The following MTA3 variants were observed in gnomAD, a reference collection of about 807,000 sequenced individuals.
MTA3 encodes the protein metastasis-associated protein MTA3.
In MTA3, 34 loss-of-function variants were observed where a neutral mutation model predicts 83.5. The ratio of observed to expected loss-of-function variants is 0.41; its 90% CI spans 0.31 to 0.54. MTA3 has a LOEUF of 0.54. MTA3 is among the 20% of genes least tolerant of loss of function. The pLI, the probability that MTA3 is intolerant of heterozygous loss-of-function variation, is 0.33. For missense variants in MTA3, 761 were observed against 726.4 expected (o/e 1.05, Z -0.55); for synonymous variants, 303 against 252.7 (o/e 1.20, Z -1.89).
chr2:42,750,734 T>G (rs1003866673), intron 16 of MTA3, among the ~76,000 whole-genome samples: 5 of 152,194 alleles, frequency 3.3e-5, no homozygotes, highest in Admixed American at 3.3e-4. Context: ...CTGTTATAAT[T>G]GTAGCCTTGT....
chr2:42,734,470 C>CTTT (rs3040123), intron 16 of MTA3, among the ~76,000 whole-genome samples: 7 of 82,462 alleles, frequency 8.5e-5, no homozygotes, highest in Admixed American at 2.8e-4. Flanking sequence ...ATCACGGGGC[C>CTTT]TTTTTTTTTT....
intron 2 of MTA3, among the ~76,000 whole-genome samples, chr2:42,531,445 C>CTTTTTTTTTTTTTTTTT (rs10659582): frequency 1.3e-5 from 1 of 75,344 alleles, no homozygotes; most frequent in Non-Finnish European, 2.3e-5. Context: ...GAAGCAAACT[C>CTTTTTTTTTTTTTTTTT]TTTTTTTTTT....
intron 2 of MTA3, among the ~76,000 whole-genome samples, chr2:42,509,770 C>CA (rs1004860330): frequency 2.7e-5 from 4 of 150,476 alleles, no homozygotes; most frequent in South Asian, 4.2e-4. Flanking sequence ...GACCCTGTCG[C>CA]AAAAAACAAA....
At chr2:42,707,250 T>A (rs2104504053) in intron 12 of MTA3, among the ~76,000 whole-genome samples, 1 of 152,092 alleles carries the variant, frequency 6.6e-6, no homozygotes, top group Non-Finnish European at 1.5e-5. Flanking sequence ...AGATTTTTTT[T>A]TTTTTTCTTT....
intron 16 of MTA3, among the ~76,000 whole-genome samples, chr2:42,723,913 T>C (rs1172197565): frequency 6.6e-6 from 1 of 152,218 alleles, no homozygotes; most frequent in Non-Finnish European, 1.5e-5. Context: ...TTATGACTTT[T>C]GATGTTCATA....
At chr2:42,673,461 A>T (rs1691028126) in intron 8 of MTA3, among the ~76,000 whole-genome samples, 1 of 152,108 alleles carries the variant, frequency 6.6e-6, no homozygotes, top group Non-Finnish European at 1.5e-5. Context: ...ACCTATGATG[A>T]GTTTTTTGGG....
intron 14 of MTA3, 194 bp downstream of exon 14, chr2:42,709,290 T>A (rs975671357): frequency 3.3e-6 from 4 of 1,206,480 alleles, no homozygotes; most frequent in Non-Finnish European, 4.4e-6. Context: ...AAAAAAAAAA[T>A]CAAAACATTG....
At chr2:42,572,883 A>G (rs1225931489) in intron 2 of MTA3, among the ~76,000 whole-genome samples, 1 of 152,024 alleles carries the variant, frequency 6.6e-6, no homozygotes, top group African/African-American at 2.4e-5. Context: ...ATGCGCCACC[A>G]TGCCTGGCTG....
chr2:42,550,401 C>T (rs1217553446), intron 2 of MTA3, among the ~76,000 whole-genome samples: 1 of 152,066 alleles, frequency 6.6e-6, no homozygotes. Context: ...AAAGCATCTC[C>T]GAAGATAAGG....
chr2:42,566,370 G>T (rs561762947), upstream of MTA3, among the ~76,000 whole-genome samples: 2 of 152,266 alleles, frequency 1.3e-5, no homozygotes, highest in African/African-American at 4.8e-5. Flanking sequence ...CTGATTCTTT[G>T]AGTCCACGAT....
chr2:42,754,602 G>A lies in MTA3; in HGVS notation c.*1203G>A. ...CGATGAGCTCCCTGAGCAGATGTGA[G>A]GCTGGCAACTCCCCTGCCCTCTGTT... On this transcript the variant is annotated 3_prime_UTR_variant, in exon 17 of 17. Coordinates refer to ENST00000405094, the MANE Select transcript of MTA3 (RefSeq NM_001330442.2). 1 of 985,500 alleles carries A rather than the reference G, an allele frequency of 1.0e-6. No individual in the cohort carries two copies. The allele number at this position is 985,500 out of a possible 1,614,324, so 61.0% of individuals were successfully genotyped here. A position where few individuals can be genotyped will look rare whatever the true frequency, so the allele number is the denominator to read the frequency against.
In MTA3 at chr2:42,551,186, T is replaced by TTTG. The variant is rs1558430425; in HGVS notation, c.-140-19249_-140-19248insGTT. Among the ~76,000 whole-genome samples, 130 of 151,896 alleles carry TTTG rather than the reference T, an allele frequency of 8.6e-4. 2 individuals are homozygous for TTTG. Among genetic ancestry groups the TTTG allele is most frequent in the African/African-American group, 2.9e-3 (121 of 41,474 alleles). ...TGATCAGTGAATATTTCTTTTTTTT[T>TTTG]TTTGTTTGTTTGTTTGTTTTTTGAG... is the stretch of plus-strand genomic sequence containing the variant. On this transcript the variant is annotated intron_variant, in intron 2 of 17. Transcript: ENST00000405592.
intron 4 of MTA3, among the ~76,000 whole-genome samples, chr2:42,619,758 G>A (rs1685324085): frequency 1.3e-5 from 2 of 151,954 alleles, no homozygotes; most frequent in African/African-American, 4.8e-5. Context: ...GACTTTTTCC[G>A]AGGGTTTATG....
chr2:42,559,721 AC>A lies in MTA3; in HGVS notation c.-140-10715del, dbSNP rs1339665176. Among the ~76,000 whole-genome samples the A allele has an allele frequency of 2.8e-5, 4 of 142,426 alleles. No homozygotes were observed. In the East Asian group the frequency reaches 8.8e-4, roughly 31 times the overall value. 93.4% of individuals were successfully genotyped at this position (142,426 alleles called of 152,430 possible). ...TGGAGAAACCCCATCTCTACTAAAC[AC>A]AAAATTAGCCAGGCGTGGTAGCGCA... On this transcript the variant is annotated intron_variant, in intron 2 of 17. Transcript: ENST00000405592.
chr2:42,564,852 C>T (rs1677837408), upstream of MTA3, among the ~76,000 whole-genome samples: 1 of 152,178 alleles, frequency 6.6e-6, no homozygotes, highest in African/African-American at 2.4e-5. Context: ...TCTTGGCTCA[C>T]TGCAATCTCT....
At chr2:42,630,187 G>A (rs1011236948) in intron 4 of MTA3, among the ~76,000 whole-genome samples, 5 of 152,190 alleles carry the variant, frequency 3.3e-5, no homozygotes, top group Non-Finnish European at 7.3e-5. Context: ...CTAGAATCAA[G>A]GCTTTCGTCA....
intron 3 of MTA3, among the ~76,000 whole-genome samples, chr2:42,588,978 CA>C (rs1393875287): frequency 6.6e-6 from 1 of 152,126 alleles, no homozygotes; most frequent in African/African-American, 2.4e-5. Context: ...CTTAGTTTTG[CA>C]CTTAGGGCCT....
intron 4 of MTA3, among the ~76,000 whole-genome samples, chr2:42,620,188 G>C (rs537220421): frequency 6.8e-6 from 1 of 147,142 alleles, no homozygotes; most frequent in East Asian, 2.0e-4. Flanking sequence ...GCGTGATCTT[G>C]GCTCACTGCA....
intron 9 of MTA3, among the ~76,000 whole-genome samples, chr2:42,690,550 C>A (rs928327225): frequency 6.6e-6 from 1 of 151,020 alleles, no homozygotes; most frequent in African/African-American, 2.4e-5. Context: ...TTTTGTTTTC[C>A]ATTAATTTTG....
Sources: allele counts gnomAD v4.1 joint callset (sites outside exome capture counted in the v4.1 genomes callset), GRCh38; gene constraint gnomAD v4.1.1; transcripts MANE v1.5; gene names NCBI Gene and HGNC (gene_info 2026-07-23, HGNC 2026-07-21).